The following CSNK1G1 variants were observed in gnomAD, a reference collection of about 807,000 sequenced individuals.
CSNK1G1 encodes the protein casein kinase 1 gamma 1.
Under a neutral mutation model 59.6 loss-of-function variants are expected in CSNK1G1, and 22 were observed. The observed-to-expected ratio is 0.37, with a 90% confidence interval of 0.26 to 0.53. The LOEUF is 0.53. CSNK1G1 is among the 20% of genes least tolerant of loss of function. CSNK1G1 has a pLI of 0.89. For missense variants in CSNK1G1, 384 were observed against 519.5 expected (o/e 0.74, Z 2.54); for synonymous variants, 179 against 177.1 (o/e 1.01, Z -0.08).
intron 5 of CSNK1G1, among the ~76,000 whole-genome samples, chr15:64,215,288 C>T (rs983616686): frequency 1.4e-5 from 2 of 138,682 alleles, no homozygotes; most frequent in African/African-American, 5.5e-5. Flanking sequence ...TCTCGGCTCA[C>T]TGCAAGCTCC....
At chr15:64,347,804 G>A (rs1189434937) in intron 1 of CSNK1G1, among the ~76,000 whole-genome samples, 2 of 151,656 alleles carry the variant, frequency 1.3e-5, no homozygotes, top group Admixed American at 6.6e-5. Context: ...TCAGGAGATC[G>A]AGACCATCTT....
Position 64,188,364 on chromosome 15 carries a change from G to A in CSNK1G1, c.1108-7910C>T. On this transcript the variant is annotated intron_variant, in intron 10 of 11. Transcript: ENST00000303052. This position sits in a 1 kb window ranked among gnomAD's most constrained non-coding sequence, Gnocchi z 4.2. ...GAAAGGCCAGGAAAAGGCAATAAAG[G>A]CAGTAAATACCTGCACTGATCCCCC... The A allele has an allele frequency of 2.0e-6, 3 of 1,526,474 alleles. No individual in the cohort carries two copies. In the South Asian group the frequency reaches 3.6e-5, roughly 18 times the overall value. The allele number at this position is 1,526,474 out of a possible 1,614,324, so 94.6% of individuals were successfully genotyped here.
At chr15:64,286,361 T>A (rs796368460) in intron 2 of CSNK1G1, among the ~76,000 whole-genome samples, 123 of 150,598 alleles carry the variant, frequency 8.2e-4, no homozygotes, top group African/African-American at 2.6e-3. Context: ...TGTTAACATG[T>A]TATTGTTAAC....
At chr15:64,349,034 G>A (rs1300989706) in intron 1 of CSNK1G1, among the ~76,000 whole-genome samples, 1 of 151,224 alleles carries the variant, frequency 6.6e-6, no homozygotes, top group African/African-American at 2.4e-5. Context: ...CTACTCAGGA[G>A]TCTGAGGCAA....
intron 1 of CSNK1G1, among the ~76,000 whole-genome samples, chr15:64,322,165 T>A (rs1896598474): frequency 6.6e-6 from 1 of 152,154 alleles, no homozygotes; most frequent in South Asian, 2.1e-4. Context: ...TCATGGAGCA[T>A]AAAGTCTTAT....
intron 1 of CSNK1G1, among the ~76,000 whole-genome samples, chr15:64,343,736 A>G (rs1478907597): frequency 1.3e-5 from 2 of 151,152 alleles, no homozygotes. Context: ...GATATAATCT[A>G]TATCACCATA....
intron 11 of CSNK1G1, 23 bp downstream of exon 11, chr15:64,180,325 G>A: frequency 3.2e-6 from 5 of 1,563,238 alleles, no homozygotes; most frequent in Non-Finnish European, 4.4e-6. Context: ...TGACTTAAGA[G>A]CCCCCTTGAA....
chr15:64,230,396 C>T (rs958026319), intron 4 of CSNK1G1, among the ~76,000 whole-genome samples: 2 of 151,904 alleles, frequency 1.3e-5, no homozygotes, highest in Non-Finnish European at 2.9e-5. Flanking sequence ...TTCCCAGGCT[C>T]AAGCAATATT....
chr15:64,259,188 A>G lies in CSNK1G1; in HGVS notation c.222+13T>C. The G allele has an allele frequency of 6.3e-7, 1 of 1,580,790 alleles. No individual in the cohort carries two copies. The highest frequency in any genetic ancestry group is 1.2e-5 in the South Asian group (1 of 86,014). On this transcript the variant is annotated intron_variant, in intron 3 of 11. Coordinates refer to ENST00000303052, the MANE Select transcript of CSNK1G1 (RefSeq NM_022048.5). ...CACCAAAACATTAATTACCACAAAC[A>G]GATTCTACTCACCAGTTTGATTGCT...
intron 1 of CSNK1G1, among the ~76,000 whole-genome samples, chr15:64,314,456 T>C (rs898461150): frequency 1.1e-4 from 16 of 151,822 alleles, no homozygotes; most frequent in African/African-American, 3.9e-4. Context: ...AGTTAACATA[T>C]CCATTACCTT....
At chr15:64,182,863 G>A (rs960275455) in intron 10 of CSNK1G1, among the ~76,000 whole-genome samples, 1 of 152,294 alleles carries the variant, frequency 6.6e-6, no homozygotes, top group South Asian at 2.1e-4. Context: ...AGAAAAACCA[G>A]CAAAACCAAA....
intron 3 of CSNK1G1, among the ~76,000 whole-genome samples, chr15:64,254,454 C>T (rs544551523): frequency 2.6e-5 from 4 of 151,202 alleles, no homozygotes; most frequent in East Asian, 2.0e-4. Flanking sequence ...CCTGGTTCAG[C>T]GATTTTCCTG....
chr15:64,203,764 GAAC>G (rs1200578202), intron 9 of CSNK1G1, among the ~76,000 whole-genome samples: 1 of 146,278 alleles, frequency 6.8e-6, no homozygotes, highest in Admixed American at 6.9e-5. Flanking sequence ...CCCCTGACCA[GAAC>G]AACAAATTCA....
chr15:64,302,200 C>T (rs762330505), intron 1 of CSNK1G1, among the ~76,000 whole-genome samples: 22 of 152,030 alleles, frequency 1.4e-4, no homozygotes, highest in Non-Finnish European at 2.6e-4. Context: ...CCCAGGTTCA[C>T]GCGATTCTCC....
chr15:64,240,381 A>G (rs1311252012), intron 4 of CSNK1G1, among the ~76,000 whole-genome samples: 1 of 152,198 alleles, frequency 6.6e-6, no homozygotes, highest in Non-Finnish European at 1.5e-5. Flanking sequence ...CTATTTAATG[A>G]AATAACAACT....
At chr15:64,177,301 C>T (rs1229226139) in intron 11 of CSNK1G1, among the ~76,000 whole-genome samples, 3 of 152,142 alleles carry the variant, frequency 2.0e-5, no homozygotes, top group South Asian at 2.1e-4. Context: ...ATCACAGCTG[C>T]GTGCAATGAG....
At chr15:64,248,529 T>C (rs1891881738) in intron 4 of CSNK1G1, among the ~76,000 whole-genome samples, 1 of 152,072 alleles carries the variant, frequency 6.6e-6, no homozygotes, top group East Asian at 1.9e-4. Flanking sequence ...ACAAGGCTTG[T>C]TTTCAAGGAG....
At chr15:64,304,466 G>A (rs1895556799) in intron 1 of CSNK1G1, among the ~76,000 whole-genome samples, 1 of 148,990 alleles carries the variant, frequency 6.7e-6, no homozygotes, top group Non-Finnish European at 1.5e-5. Context: ...TCTCACTTAA[G>A]AAATTAAAGT....
In CSNK1G1 at chr15:64,168,639, T is replaced by C. The variant is rs1289787988; in HGVS notation, c.*3292A>G. On this transcript the variant is annotated 3_prime_UTR_variant, in exon 12 of 12. Coordinates refer to ENST00000303052, the MANE Select transcript of CSNK1G1 (RefSeq NM_022048.5). Reference sequence around the variant, plus strand: ...AAAAGATCGTTAGGCACCATACTTGTGAAATGGAGAAAGCTCAGAAACTAC... The same window carrying C: ...AAAAGATCGTTAGGCACCATACTTGCGAAATGGAGAAAGCTCAGAAACTAC... 3.9e-5 allele frequency: 6 copies of C among 152,140 alleles called. No individual in the cohort carries two copies. The highest frequency in any genetic ancestry group is 7.4e-5 in the Non-Finnish European group (5 of 68,016). The allele number at this position is 152,140 out of a possible 1,614,324, so 9.4% of individuals were successfully genotyped here. A position where few individuals can be genotyped will look rare whatever the true frequency, so the allele number is the denominator to read the frequency against.
Sources: allele counts gnomAD v4.1 joint callset (sites outside exome capture counted in the v4.1 genomes callset), GRCh38; gene constraint gnomAD v4.1.1; non-coding constraint Gnocchi (gnomAD v3.1); transcripts MANE v1.5; gene names NCBI Gene and HGNC (gene_info 2026-07-23, HGNC 2026-07-21).